Variants in MYH14 observed in about 807,000 individuals in gnomAD.
MYH14 encodes the protein myosin heavy chain 14, also known as myosin-14.
A neutral mutation model predicts 255.5 loss-of-function variants in MYH14; 123 were observed. That is an observed-to-expected ratio of 0.48 (90% CI 0.42 to 0.56). The LOEUF is 0.56. MYH14 is among the 20% of genes least tolerant of loss of function. The pLI, the probability that MYH14 is intolerant of heterozygous loss-of-function variation, is 0.00. For missense variants in MYH14, 2,423 were observed against 2,802.3 expected (o/e 0.86, Z 3.06); for synonymous variants, 1,095 against 1,161.2 (o/e 0.94, Z 1.16).
At chr19:50,278,498 C>G (rs908536787) in intron 30 of MYH14, among the ~76,000 whole-genome samples, 12 of 151,656 alleles carry the variant, frequency 7.9e-5, no homozygotes, top group African/African-American at 2.2e-4. Context: ...CCCAGGAGTT[C>G]GAGACCAGCC....
intron 15 of MYH14, among the ~76,000 whole-genome samples, chr19:50,251,529 C>CT (rs2034390162): frequency 2.6e-3 from 61 of 23,162 alleles, no homozygotes; most frequent in African/African-American, 6.8e-3. Context: ...ACTACACACA[C>CT]ACACACACAC....
chr19:50,282,787 C>G (rs913338429), intron 33 of MYH14, among the ~76,000 whole-genome samples: 2 of 152,184 alleles, frequency 1.3e-5, no homozygotes, highest in East Asian at 3.9e-4. Context: ...AGCTGACTTA[C>G]GATTTCTCTC....
intron 1 of MYH14, among the ~76,000 whole-genome samples, chr19:50,205,258 G>A (rs562906031): frequency 6.6e-6 from 1 of 152,328 alleles, no homozygotes; most frequent in South Asian, 2.1e-4. Context: ...CTTCTCCGCG[G>A]CGGGCCCTCG....
chr19:50,247,703 C>T (rs1247285679), intron 12 of MYH14, among the ~76,000 whole-genome samples: 3 of 151,888 alleles, frequency 2.0e-5, no homozygotes, highest in South Asian at 2.1e-4. Flanking sequence ...CTAGATGGTT[C>T]GAGGCAGACG....
intron 23 of MYH14, 120 bp from the exon 24 acceptor site, chr19:50,268,041 C>A: frequency 7.9e-7 from 1 of 1,268,888 alleles, no homozygotes; most frequent in Non-Finnish European, 1.1e-6. Context: ...TGTCCTCCTG[C>A]CCCTCAGTCC....
Position 50,244,343 on chromosome 19 carries a change from G to GC in MYH14, c.1210+11dup, listed in dbSNP as rs1484713136. 5 of 1,612,536 alleles carry GC rather than the reference G, an allele frequency of 3.1e-6. No individual in the cohort carries two copies. The highest frequency in any genetic ancestry group is 3.4e-6 in the Non-Finnish European group (4 of 1,179,522). On this transcript the variant is annotated splice_region_variant and intron_variant, in intron 11 of 42. Transcript: ENST00000642316. ...CACCATGCCTGACAACACAGGTACTGCCCCCGGCCTGCCTGCCCACGACCT... is the reference window on the plus strand; with the variant it reads ...CACCATGCCTGACAACACAGGTACTGCCCCCCGGCCTGCCTGCCCACGACCT...
At chr19:50,288,441 C>T (rs538747661) in intron 34 of MYH14, among the ~76,000 whole-genome samples, 95 of 152,224 alleles carry the variant, frequency 6.2e-4, no homozygotes, top group African/African-American at 1.9e-3. Context: ...CGTTAAGGTC[C>T]GTCCCTTGGG....
Position 50,259,159 on chromosome 19 carries a change from C to T in MYH14, c.2248C>T (p.Pro750Ser), listed in dbSNP as rs552485033. Residue 750 changes from proline (P) to serine (S), a missense_variant, in exon 19 of 43, where the codon CCA becomes TCA. Around this residue, in one of 3 missense-constraint regions of MYH14, gnomAD observed 672 missense variants for 881.8 expected, o/e 0.76. Coordinates refer to ENST00000642316, the MANE Select transcript of MYH14 (RefSeq NM_001145809.2). Reference sequence around the variant, plus strand: ...CTCTCCCCAGGCCGGGAAGCTGGAGCCACGGCTGGTGCTGGACCAGCTTCG... The same window carrying T: ...CTCTCCCCAGGCCGGGAAGCTGGAGTCACGGCTGGTGCTGGACCAGCTTCG... ...NHEKRAGKLEPRLVLDQLRCN... is the reference protein window; with the variant it reads ...NHEKRAGKLESRLVLDQLRCN... The T allele has an allele frequency of 2.6e-6, 4 of 1,556,612 alleles. No homozygotes were observed. The Admixed American group carries it at 5.8e-5, about 23-fold the overall frequency.
chr19:50,293,128 A>AG lies in MYH14; in HGVS notation c.5257-104dup. On this transcript the variant is annotated intron_variant, in intron 37 of 42. Transcript: ENST00000642316. The surrounding 1 kb of genome is among the most constrained non-coding windows in gnomAD (Gnocchi z 4.1). ...TCCAGGGTTACCCAGGGACAGCATGAGAAAAAAGCCAAGAGCCTTGAGGTG... is the reference window on the plus strand; with the variant it reads ...TCCAGGGTTACCCAGGGACAGCATGAGGAAAAAAGCCAAGAGCCTTGAGGTG... 1.2e-6 allele frequency: 1 copy of AG among 800,780 alleles called. No homozygotes were observed. The highest frequency in any genetic ancestry group is 2.0e-5 in the Admixed American group (1 of 48,928). 49.6% of individuals were successfully genotyped at this position (800,780 alleles called of 1,614,324 possible). A position where few individuals can be genotyped will look rare whatever the true frequency, so the allele number is the denominator to read the frequency against.
intron 40 of MYH14, among the ~76,000 whole-genome samples, chr19:50,303,823 A>G (rs1319175663): frequency 3.3e-5 from 5 of 152,234 alleles, no homozygotes; most frequent in Non-Finnish European, 7.3e-5. Context: ...AAGCAGCAGT[A>G]GTATGGGGCT....
intron 2 of MYH14, among the ~76,000 whole-genome samples, chr19:50,211,945 G>A (rs759279424): frequency 1.3e-5 from 2 of 152,014 alleles, no homozygotes; most frequent in African/African-American, 2.4e-5. Context: ...CTGTGATGGC[G>A]CTACTGTACT....
chr19:50,245,107 A>G (rs1283408537), intron 11 of MYH14, among the ~76,000 whole-genome samples: 1 of 152,130 alleles, frequency 6.6e-6, no homozygotes, highest in African/African-American at 2.4e-5. Context: ...AGGGGGAAAA[A>G]TCTGGCATGA....
chr19:50,233,567 G>A (rs908676160), intron 10 of MYH14, among the ~76,000 whole-genome samples: 1 of 152,148 alleles, frequency 6.6e-6, no homozygotes, highest in African/African-American at 2.4e-5. Flanking sequence ...CACAAACCTA[G>A]TGCCTAAAAC....
At chr19:50,246,673 A>G (rs1359574456) in intron 11 of MYH14, among the ~76,000 whole-genome samples, 1 of 152,082 alleles carries the variant, frequency 6.6e-6, no homozygotes, top group African/African-American at 2.4e-5. Context: ...ATTCTTTCAA[A>G]TGAATGAAGC....
In MYH14 at chr19:50,250,396, TG is replaced by T; in HGVS notation, c.1657-117del. The T allele has an allele frequency of 1.9e-6, 2 of 1,049,286 alleles. No individual in the cohort carries two copies. The highest frequency in any genetic ancestry group is 2.8e-6 in the Non-Finnish European group (2 of 706,160). The allele number at this position is 1,049,286 out of a possible 1,614,324, so 65.0% of individuals were successfully genotyped here. A position where few individuals can be genotyped will look rare whatever the true frequency, so the allele number is the denominator to read the frequency against. ...GATTACAGGCGTGAGCCACCGTGCC[TG>T]GCATCTCACGTTTGTTTTTATGTCC... On this transcript the variant is annotated intron_variant, in intron 14 of 42. Coordinates refer to ENST00000642316, the MANE Select transcript of MYH14 (RefSeq NM_001145809.2). The surrounding 1 kb of genome is among the most constrained non-coding windows in gnomAD (Gnocchi z 5.4).
In MYH14 at chr19:50,293,770, T is replaced by C. The variant is rs981495520; in HGVS notation, c.5469+83T>C. On this transcript the variant is annotated intron_variant, in intron 39 of 42. Coordinates refer to ENST00000642316, the MANE Select transcript of MYH14 (RefSeq NM_001145809.2). This position sits in a 1 kb window ranked among gnomAD's most constrained non-coding sequence, Gnocchi z 4.1. Reference sequence around the variant, plus strand: ...CTTCAGTCCTCTTATTCAACAAATATAGAAAGGGGATATTTGAGTTGGGTT... The same window carrying C: ...CTTCAGTCCTCTTATTCAACAAATACAGAAAGGGGATATTTGAGTTGGGTT... 5 of 1,415,970 alleles carry C rather than the reference T, an allele frequency of 3.5e-6. No individual in the cohort carries two copies. Among genetic ancestry groups the C allele is most frequent in the Non-Finnish European group, 3.8e-6 (4 of 1,057,106 alleles). The allele number at this position is 1,415,970 out of a possible 1,614,324, so 87.7% of individuals were successfully genotyped here.
intron 10 of MYH14, among the ~76,000 whole-genome samples, chr19:50,239,082 C>T (rs534626203): frequency 3.3e-5 from 5 of 152,178 alleles, no homozygotes; most frequent in African/African-American, 7.2e-5. Flanking sequence ...TACAGTGGCG[C>T]GATCTCAGCT....
chr19:50,281,624 G>C lies in MYH14; in HGVS notation c.4321G>C (p.Glu1441Gln), dbSNP rs759800705. 6.3e-7 allele frequency: 1 copy of C among 1,598,972 alleles called. No homozygotes were observed. Among genetic ancestry groups the C allele is most frequent in the South Asian group, 1.1e-5 (1 of 90,230 alleles). ...CGAGTGGCGGCGGCGCCAGGAGGAG[G>C]AGGCAGGGGCACTGGAGGCAGGGGA... ...LSEWRRRQEEEAGALEAGEEA... is the reference protein window; with the variant it reads ...LSEWRRRQEEQAGALEAGEEA... Residue 1441 changes from glutamate (E) to glutamine (Q), a missense_variant, in exon 33 of 43, where the codon GAG becomes CAG. Around this residue, in one of 3 missense-constraint regions of MYH14, gnomAD observed 1,513 missense variants for 1,674.8 expected, o/e 0.90. Transcript: ENST00000642316.
At chr19:50,298,154 G>T (rs1178215669) in intron 39 of MYH14, among the ~76,000 whole-genome samples, 1 of 152,102 alleles carries the variant, frequency 6.6e-6, no homozygotes, top group African/African-American at 2.4e-5. Flanking sequence ...TGGACAAAAA[G>T]GGTCCGATCT....
Sources: allele counts gnomAD v4.1 joint callset (sites outside exome capture counted in the v4.1 genomes callset), GRCh38; gene constraint gnomAD v4.1.1; regional missense constraint gnomAD v4.1.1; non-coding constraint Gnocchi (gnomAD v3.1); transcripts MANE v1.5; gene names NCBI Gene and HGNC (gene_info 2026-07-23, HGNC 2026-07-21).